Variants in DNMBP observed in about 807,000 individuals in gnomAD.
The protein encoded by DNMBP is dynamin-binding protein.
A neutral mutation model predicts 150.0 loss-of-function variants in DNMBP; 87 were observed. The ratio of observed to expected loss-of-function variants is 0.58; its 90% CI spans 0.49 to 0.69. DNMBP has a LOEUF of 0.69. Ranked by LOEUF, DNMBP falls within the 30% of genes least tolerant of loss-of-function variation. The pLI, the probability that DNMBP is intolerant of heterozygous loss-of-function variation, is 0.00. For synonymous variants in DNMBP, 711 were observed against 750.4 expected, an observed-to-expected ratio of 0.95 and a Z score of 0.86; for missense variants, 1,774 against 1,949.0, an observed-to-expected ratio of 0.91 and a Z score of 1.69.
chr10:99,957,165 C>A lies in DNMBP; in HGVS notation c.309G>T (p.Trp103Cys), dbSNP rs766222713. 29 of 1,608,064 alleles carry A rather than the reference C, an allele frequency of 1.8e-5. No individual in the cohort carries two copies. Among genetic ancestry groups the A allele is most frequent in the Non-Finnish European group, 2.5e-5 (29 of 1,179,956 alleles). ...VILDGIPTAG[W>C]LQGRSCWGAR... Reference sequence around the variant, plus strand: ...CGCCCCAGCAGCTTCGGCCCTGCAGCCAGCCTGCAGTGGGAATGCCATCGA... The same window carrying A: ...CGCCCCAGCAGCTTCGGCCCTGCAGACAGCCTGCAGTGGGAATGCCATCGA... Residue 103 changes from tryptophan (W) to cysteine (C), a missense_variant, in exon 4 of 17, where the codon TGG becomes TGT. By Grantham distance (215) the Trp-to-Cys change is radical (BLOSUM62 -2). Coordinates refer to ENST00000324109, the MANE Select transcript of DNMBP (RefSeq NM_015221.4).
At chr10:99,884,777 C>T (rs1319214555) in intron 14 of DNMBP, among the ~76,000 whole-genome samples, 5 of 152,040 alleles carry the variant, frequency 3.3e-5, no homozygotes, top group Admixed American at 1.3e-4. Context: ...GTAACGCATG[C>T]CTGTAATCCC....
At chr10:99,906,394 G>A (rs1189828133) in intron 6 of DNMBP, among the ~76,000 whole-genome samples, 1 of 152,148 alleles carries the variant, frequency 6.6e-6, no homozygotes, top group Non-Finnish European at 1.5e-5. Flanking sequence ...TGGAACTGGG[G>A]TAGCCTCTTG....
intron 15 of DNMBP, among the ~76,000 whole-genome samples, chr10:99,883,178 G>A (rs2039396638): frequency 1.2e-5 from 1 of 80,452 alleles, no homozygotes; most frequent in East Asian, 2.5e-4. Context: ...TTTGGATTTT[G>A]GAAAAAGGGA....
At chr10:100,005,436 T>C (rs1205447563) in intron 1 of DNMBP, among the ~76,000 whole-genome samples, 1 of 151,976 alleles carries the variant, frequency 6.6e-6, no homozygotes, top group Non-Finnish European at 1.5e-5. Context: ...ATTAGACACA[T>C]AACAATATGG....
chr10:99,887,972 G>A (rs950770426), intron 12 of DNMBP, among the ~76,000 whole-genome samples: 1 of 151,732 alleles, frequency 6.6e-6, no homozygotes, highest in Non-Finnish European at 1.5e-5. Context: ...TTACAGGTGT[G>A]CGCCACCACA....
rs370969058 is a variant in DNMBP, at chr10:99,961,489, T to C, written c.269-4284A>G. Among the ~76,000 whole-genome samples, 1,154 of 143,668 alleles carry C rather than the reference T, an allele frequency of 8.0e-3. 15 individuals are homozygous for C. Among genetic ancestry groups the C allele is most frequent in the Middle Eastern group, 0.039 (11 of 284 alleles). The allele number at this position is 143,668 out of a possible 152,430, so 94.3% of individuals were successfully genotyped here. On this transcript the variant is annotated intron_variant, in intron 3 of 16. Transcript: ENST00000324109. ...GTTGCCCAGGCTGGTCTCGAACTCC[T>C]GGACTCAAGTGATCCACCCGCCTGA...
At chr10:99,913,841 C>T in intron 4 of DNMBP, 1 of 1,157,806 alleles carries the variant, frequency 8.6e-7, no homozygotes, top group Non-Finnish European at 1.1e-6. Context: ...GGATCTATCT[C>T]TAATGGGGAA....
chr10:99,935,992 T>C (rs1025343411), intron 4 of DNMBP, among the ~76,000 whole-genome samples: 2 of 152,212 alleles, frequency 1.3e-5, no homozygotes, highest in African/African-American at 4.8e-5. Context: ...GATCTTATTT[T>C]ACCTAGGCCA....
intron 3 of DNMBP, among the ~76,000 whole-genome samples, chr10:99,967,585 A>C (rs576586244): frequency 1.3e-5 from 2 of 152,198 alleles, no homozygotes; most frequent in Admixed American, 6.5e-5. Context: ...AGAAATTCTC[A>C]AAATAGATTT....
chr10:99,977,596 T>C (rs572251727), intron 1 of DNMBP, among the ~76,000 whole-genome samples: 8 of 152,290 alleles, frequency 5.3e-5, no homozygotes, highest in Non-Finnish European at 1.0e-4. Flanking sequence ...TATAGATATA[T>C]TTGGAAAGAA....
chr10:99,950,078 G>A (rs996053197), intron 4 of DNMBP, among the ~76,000 whole-genome samples: 2 of 152,232 alleles, frequency 1.3e-5, no homozygotes, highest in Non-Finnish European at 2.9e-5. Context: ...GGACCTGGTA[G>A]GAGGTAATTG....
rs367611348 is a variant in DNMBP, at chr10:99,886,400, T to C, written c.3518A>G (p.Gln1173Arg). Residue 1173 changes from glutamine to arginine, a missense_variant, in exon 13 of 17, where the codon CAG (glutamine) becomes CGG (arginine). By Grantham distance (43) the Gln-to-Arg change is conservative. This residue lies in a region of DNMBP where 1,430 missense variants were observed against 1,492.5 expected (regional missense o/e 0.96). Coordinates refer to ENST00000324109, the MANE Select transcript of DNMBP (RefSeq NM_015221.4). ...GTTGGTGAAGAGGCCCTGGGCGTAC[T>C]GGTGGAACTTGGGCAGCTCATCCAG... ...QLLDELPKFH[Q>R]YAQGLFTNCV... 8.7e-6 allele frequency: 14 copies of C among 1,614,054 alleles called. No individual in the cohort carries two copies. Among genetic ancestry groups the C allele is most frequent in the African/African-American group, 1.3e-5 (1 of 74,928 alleles).
intron 4 of DNMBP, among the ~76,000 whole-genome samples, chr10:99,927,810 A>C (rs2040099016): frequency 6.6e-6 from 1 of 152,172 alleles, no homozygotes. Context: ...TTTCAGGGAG[A>C]TCAGAGGGCA....
At chr10:99,913,379 T>G (rs2039924402) in intron 4 of DNMBP, among the ~76,000 whole-genome samples, 1 of 152,094 alleles carries the variant, frequency 6.6e-6, no homozygotes, top group African/African-American at 2.4e-5. Context: ...ACATAAGTCC[T>G]TTTCCCACAA....
At chr10:99,888,714 A>AC in intron 12 of DNMBP, 111 bp downstream of exon 12, 4 of 1,278,272 alleles carry the variant, frequency 3.1e-6, no homozygotes, top group Non-Finnish European at 3.3e-6. Context: ...CTAAAGGATG[A>AC]CTAATATGCC....
chr10:99,998,052 A>G lies in DNMBP; in HGVS notation c.-11+11786T>C, dbSNP rs183262157. ...AGATCAAGACCATCCTGGCTAACACAGTGAAACCCCATCTCTACTAAAAAT... is the reference window on the plus strand; with the variant it reads ...AGATCAAGACCATCCTGGCTAACACGGTGAAACCCCATCTCTACTAAAAAT... On this transcript the variant is annotated intron_variant, in intron 1 of 16. Coordinates refer to ENST00000324109, the MANE Select transcript of DNMBP (RefSeq NM_015221.4). Among the ~76,000 whole-genome samples the G allele has an allele frequency of 1.1e-3, 162 of 151,438 alleles. 1 individual carries two copies. The highest frequency in any genetic ancestry group is 1.8e-3 in the Non-Finnish European group (122 of 67,826).
chr10:99,886,422 C>A lies in DNMBP; in HGVS notation c.3496G>T (p.Asp1166Tyr), dbSNP rs1327582784. ...TACTGGTGGAACTTGGGCAGCTCAT[C>A]CAGCAGCTGTGCATTCAGGGCCTCA... Reference protein sequence around the residue: ...NYEALNAQLLDELPKFHQYAQ... With the variant: ...NYEALNAQLLYELPKFHQYAQ... The change falls in exon 13 of 17, where the codon GAT (aspartate) becomes TAT (tyrosine). Residue 1166 changes from aspartate (D) to tyrosine (Y), a missense_variant. Transcript: ENST00000324109. 4 of 1,614,060 alleles carry A rather than the reference C, an allele frequency of 2.5e-6. No homozygotes were observed. The highest frequency in any genetic ancestry group is 8.5e-7 in the Non-Finnish European group (1 of 1,180,048).
At chr10:99,888,675 G>T in intron 12 of DNMBP, 150 bp downstream of exon 12, 1 of 889,140 alleles carries the variant, frequency 1.1e-6, no homozygotes, top group Non-Finnish European at 1.7e-6. Flanking sequence ...AAGTCATGTT[G>T]TGAATATCAA....
chr10:99,909,808 A>G (rs2039878326), intron 4 of DNMBP, among the ~76,000 whole-genome samples: 1 of 152,254 alleles, frequency 6.6e-6, no homozygotes, highest in Admixed American at 6.5e-5. Flanking sequence ...TACTATAAAC[A>G]TGAAGCTTAT....
Sources: allele counts gnomAD v4.1 joint callset (sites outside exome capture counted in the v4.1 genomes callset), GRCh38; gene constraint gnomAD v4.1.1; regional missense constraint gnomAD v4.1.1; transcripts MANE v1.5; gene names NCBI Gene and HGNC (gene_info 2026-07-23, HGNC 2026-07-21).